ZMYM2: variants seen among roughly 807,000 people sequenced by gnomAD.
ZMYM2 encodes the protein zinc finger MYM-type protein 2.
A neutral mutation model predicts 162.8 loss-of-function variants in ZMYM2; 56 were observed. The observed-to-expected ratio is 0.34, with a 90% CI of 0.28 to 0.43. The LOEUF (loss-of-function observed/expected upper bound fraction) is 0.43. ZMYM2 is among the 20% of genes least tolerant of loss of function. The pLI is 1.00. For synonymous variants in ZMYM2, 510 were observed against 541.6 expected, an observed-to-expected ratio of 0.94 and a Z score of 0.81; for missense variants, 1,275 against 1,621.8, an observed-to-expected ratio of 0.79 and a Z score of 3.67.
At chr13:19,973,009 T>C (rs1412078016) in intron 2 of ZMYM2, among the ~76,000 whole-genome samples, 3 of 151,638 alleles carry the variant, frequency 2.0e-5, no homozygotes, top group East Asian at 3.9e-4. Flanking sequence ...CGATCTCGGC[T>C]CACTGCAACC....
the ZMYM2 span, among the ~76,000 whole-genome samples, chr13:19,922,423 C>A: frequency 6.9e-3 from 1,050 of 152,298 alleles, 11 homozygotes; most frequent in African/African-American, 0.024. Flanking sequence ...TTTCAAAAGA[C>A]GTCATACATG....
intron 6 of ZMYM2, among the ~76,000 whole-genome samples, chr13:20,010,721 G>A (rs895257876): frequency 6.6e-6 from 1 of 152,064 alleles, no homozygotes; most frequent in East Asian, 1.9e-4. Context: ...GCTCACTGTA[G>A]CCTCTGCCTC....
At chr13:19,933,646 G>A in the ZMYM2 span, among the ~76,000 whole-genome samples, 8 of 152,228 alleles carry the variant, frequency 5.3e-5, no homozygotes, top group South Asian at 2.1e-4. Flanking sequence ...ATATTGCATC[G>A]CCAAGCAATA....
At chr13:19,906,597 A>G in the ZMYM2 span, among the ~76,000 whole-genome samples, 2 of 151,330 alleles carry the variant, frequency 1.3e-5, no homozygotes, top group Non-Finnish European at 2.9e-5. Flanking sequence ...CTAAGAAATC[A>G]TGCCACTCAA....
chr13:20,026,717 A>G lies in ZMYM2; in HGVS notation c.1690A>G (p.Thr564Ala), dbSNP rs1214450056. The G allele has an allele frequency of 1.6e-5, 26 of 1,604,648 alleles. No individual in the cohort carries two copies. The highest frequency in any genetic ancestry group is 6.7e-5 in the African/African-American group (5 of 74,506). ...TGGATATATGGAGCCATATTGTTCA[A>G]CTGCTTGTATGAACAGTCACAAGAC... The part of the protein sequence containing the change: ...PNGYMEPYCS[T>A]ACMNSHKTKY... The change falls in exon 8 of 25, where the codon ACT (threonine) becomes GCT (alanine). Residue 564 changes from threonine (T) to alanine (A), a missense_variant. Physicochemically the swap from Thr to Ala is moderately conservative, Grantham distance 58 (BLOSUM62 0). Around this residue, in one of 10 missense-constraint regions of ZMYM2, gnomAD observed 276 missense variants for 311.8 expected, o/e 0.89. Coordinates refer to ENST00000610343, the MANE Select transcript of ZMYM2 (RefSeq NM_197968.4).
intron 12 of ZMYM2, among the ~76,000 whole-genome samples, chr13:20,046,268 T>C (rs969277281): frequency 6.6e-6 from 1 of 151,640 alleles, no homozygotes; most frequent in African/African-American, 2.4e-5. Context: ...AAAAAATTAC[T>C]GAGAGCGGTG....
chr13:19,936,088 T>C, the ZMYM2 span, among the ~76,000 whole-genome samples: 1 of 152,230 alleles, frequency 6.6e-6, no homozygotes, highest in Admixed American at 6.5e-5. Context: ...TTGAAAATCT[T>C]AGTCTCTCCT....
chr13:19,986,776 T>C (rs1949181071), intron 2 of ZMYM2, among the ~76,000 whole-genome samples: 2 of 151,890 alleles, frequency 1.3e-5, no homozygotes, highest in Admixed American at 6.6e-5. Context: ...CCCCTTAAAG[T>C]AGAATCATTA....
chr13:19,920,279 A>C, the ZMYM2 span, among the ~76,000 whole-genome samples: 1 of 152,154 alleles, frequency 6.6e-6, no homozygotes, highest in Non-Finnish European at 1.5e-5. Context: ...CTGTCAAAAA[A>C]AACATTTTTT....
the ZMYM2 span, among the ~76,000 whole-genome samples, chr13:19,893,485 C>T: frequency 6.6e-6 from 1 of 151,898 alleles, no homozygotes; most frequent in Non-Finnish European, 1.5e-5. Flanking sequence ...CGCCTGTAAT[C>T]CTAACACTTT....
chr13:20,018,481 A>C (rs1402972009), intron 6 of ZMYM2, among the ~76,000 whole-genome samples: 1 of 151,968 alleles, frequency 6.6e-6, no homozygotes, highest in East Asian at 1.9e-4. Flanking sequence ...ATCCTTCCTT[A>C]CTTTCCTCTC....
intron 2 of ZMYM2, among the ~76,000 whole-genome samples, chr13:19,980,038 G>A (rs1319566571): frequency 2.0e-5 from 3 of 151,762 alleles, no homozygotes; most frequent in Non-Finnish European, 2.9e-5. Context: ...GATTTACAAG[G>A]ATCTTGTAAC....
intron 21 of ZMYM2, among the ~76,000 whole-genome samples, chr13:20,076,677 A>G (rs1957526269): frequency 6.7e-6 from 1 of 150,354 alleles, no homozygotes; most frequent in Non-Finnish European, 1.5e-5. Context: ...AAAGAACTTT[A>G]TTTACTAAAT....
the ZMYM2 span, among the ~76,000 whole-genome samples, chr13:19,885,911 A>ATATACACATATATATGTG: frequency 3.9e-5 from 1 of 25,608 alleles, no homozygotes; most frequent in African/African-American, 1.0e-4. Context: ...ATATATATGT[A>ATATACACATATATATGTG]TATACACATA....
the ZMYM2 span, among the ~76,000 whole-genome samples, chr13:19,885,717 G>C: frequency 6.6e-6 from 1 of 150,936 alleles, no homozygotes; most frequent in African/African-American, 2.4e-5. Flanking sequence ...ACATGTTTTC[G>C]CTTGCTTTAA....
At chr13:19,975,858 T>A (rs1292325832) in intron 2 of ZMYM2, among the ~76,000 whole-genome samples, 5 of 103,590 alleles carry the variant, frequency 4.8e-5, no homozygotes, top group Non-Finnish European at 8.8e-5. Context: ...CCTCCATTTT[T>A]AAAATGTATG....
At chr13:19,955,333 A>G (rs1201842229), upstream of ZMYM2, among the ~76,000 whole-genome samples, 2 of 152,250 alleles carry the variant, frequency 1.3e-5, no homozygotes, top group East Asian at 1.9e-4. Context: ...AGTTTTATAC[A>G]TGTATGCTCG....
the ZMYM2 span, among the ~76,000 whole-genome samples, chr13:19,874,052 G>T: frequency 1.1e-4 from 17 of 152,136 alleles, no homozygotes; most frequent in Non-Finnish European, 1.8e-4. Flanking sequence ...GGAACTAGGT[G>T]ATCTTTAAAG....
At chr13:20,060,481 C>T (rs1460085345) in intron 16 of ZMYM2, among the ~76,000 whole-genome samples, 1 of 152,116 alleles carries the variant, frequency 6.6e-6, no homozygotes, top group Non-Finnish European at 1.5e-5. Flanking sequence ...GAGTTCAAGA[C>T]CAGACTGGCC....
Sources: gnomAD v4.1 joint callset for allele counts (sites outside exome capture counted in the v4.1 genomes callset) on GRCh38, gnomAD v4.1.1 for gene constraint, gnomAD v4.1.1 regional missense constraint, MANE v1.5 for transcripts, NCBI Gene and HGNC (gene_info 2026-07-23, HGNC 2026-07-21) for gene names.